PDGFC: variants seen among roughly 807,000 people sequenced by gnomAD.
PDGFC encodes the protein platelet derived growth factor C.
In PDGFC, 12 loss-of-function variants were observed where a neutral mutation model predicts 35.5. That is an observed-to-expected ratio of 0.34 (90% CI 0.22 to 0.55). The LOEUF is 0.55. Ranked by LOEUF, PDGFC falls within the 20% of genes least tolerant of loss-of-function variation. The probability of loss-of-function intolerance (pLI) is 0.91; values close to 1 mark genes in which losing one functional copy is unlikely to be tolerated. For missense variants in PDGFC, 322 were observed against 412.4 expected (o/e 0.78, Z 1.90); for synonymous variants, 159 against 148.8 (o/e 1.07, Z -0.50).
chr4:156,852,353 TGAC>T (rs1447915772), intron 1 of PDGFC, among the ~76,000 whole-genome samples: 1 of 152,194 alleles, frequency 6.6e-6, no homozygotes, highest in Non-Finnish European at 1.5e-5. Flanking sequence ...TCCTATGAAA[TGAC>T]GACATTTCAG....
intron 1 of PDGFC, among the ~76,000 whole-genome samples, chr4:156,895,690 T>C (rs1730617889): frequency 6.6e-6 from 1 of 151,998 alleles, no homozygotes; most frequent in Non-Finnish European, 1.5e-5. Flanking sequence ...ATTCTACCTT[T>C]AGTCCTCAAA....
At chr4:156,825,092 C>A (rs1011517132) in intron 2 of PDGFC, among the ~76,000 whole-genome samples, 1 of 152,150 alleles carries the variant, frequency 6.6e-6, no homozygotes, top group Non-Finnish European at 1.5e-5. Flanking sequence ...ATTTTTACCT[C>A]ATGGATTATC....
intron 2 of PDGFC, among the ~76,000 whole-genome samples, chr4:156,818,273 T>G (rs1453030510): frequency 1.3e-5 from 2 of 152,042 alleles, no homozygotes; most frequent in East Asian, 3.9e-4. Context: ...ATTGAAAATT[T>G]ATGGCAACCC....
chr4:156,805,294 T>A (rs933928272), intron 3 of PDGFC, among the ~76,000 whole-genome samples: 1 of 152,014 alleles, frequency 6.6e-6, no homozygotes, highest in Non-Finnish European at 1.5e-5. Context: ...CAACAAGTGC[T>A]TCAGACTACA....
intron 1 of PDGFC, among the ~76,000 whole-genome samples, chr4:156,862,680 T>C (rs1309743538): frequency 6.6e-6 from 1 of 151,974 alleles, no homozygotes; most frequent in East Asian, 1.9e-4. Context: ...TATAGTCACC[T>C]TAATCACTTT....
intron 1 of PDGFC, among the ~76,000 whole-genome samples, chr4:156,864,822 C>T (rs1729797337): frequency 6.6e-6 from 1 of 152,064 alleles, no homozygotes; most frequent in South Asian, 2.1e-4. Flanking sequence ...TTTATAATTG[C>T]TCCAATTATA....
At chr4:156,819,749 A>T (rs1158381321) in intron 2 of PDGFC, among the ~76,000 whole-genome samples, 1 of 152,184 alleles carries the variant, frequency 6.6e-6, no homozygotes, top group Admixed American at 6.5e-5. Context: ...CTGAGTTTTA[A>T]GTCTTATTAT....
At position 156,785,879 on chromosome 4, in the gene PDGFC, G is replaced by T. The variant is rs1307039795; in HGVS notation, c.496-12986C>A. On this transcript the variant is annotated intron_variant, in intron 3 of 5. Coordinates refer to ENST00000502773, the MANE Select transcript of PDGFC (RefSeq NM_016205.3). Reference sequence around the variant, plus strand: ...TCAATATCTTCCCACAAAGTTCAAGGTCAATTGAAAAAATATCTTCCTACA... The same window carrying T: ...TCAATATCTTCCCACAAAGTTCAAGTTCAATTGAAAAAATATCTTCCTACA... Among the ~76,000 whole-genome samples the T allele has an allele frequency of 2.0e-5, 3 of 152,030 alleles. No homozygotes were observed. The East Asian group carries it at 5.8e-4, about 29-fold the overall frequency.
chr4:156,909,949 T>C (rs1731001453), intron 1 of PDGFC, among the ~76,000 whole-genome samples: 1 of 152,040 alleles, frequency 6.6e-6, no homozygotes, highest in Non-Finnish European at 1.5e-5. Flanking sequence ...GGGAAAATCA[T>C]GAGAAAATAA....
At chr4:156,778,441 C>A (rs556232180) in intron 3 of PDGFC, 1 of 161,536 alleles carries the variant, frequency 6.2e-6, no homozygotes, top group African/African-American at 2.4e-5. Context: ...GCCATAGGAA[C>A]AAGCTCAAGA....
intron 1 of PDGFC, among the ~76,000 whole-genome samples, chr4:156,905,352 A>T (rs1350515195): frequency 2.0e-5 from 3 of 152,134 alleles, no homozygotes; most frequent in Admixed American, 6.5e-5. Flanking sequence ...TCTCAAAAAA[A>T]GCCTCATAGT....
At chr4:156,882,823 G>A (rs1560855697) in intron 1 of PDGFC, among the ~76,000 whole-genome samples, 1 of 152,120 alleles carries the variant, frequency 6.6e-6, no homozygotes, top group Non-Finnish European at 1.5e-5. Flanking sequence ...GGTGGCTCAC[G>A]CCTGTAATCC....
In PDGFC at chr4:156,767,765, A is replaced by T. The variant is rs373550042; in HGVS notation, c.921+8T>A. The T allele has an allele frequency of 6.4e-7, 1 of 1,572,428 alleles. No individual in the cohort carries two copies. Among genetic ancestry groups the T allele is most frequent in the Non-Finnish European group, 8.8e-7 (1 of 1,142,238 alleles). ...CGAAGGAAACCAAAAAGAAAATTGTATACCTACCTCGTGGTATTTTTTAGT... is the reference window on the plus strand; with the variant it reads ...CGAAGGAAACCAAAAAGAAAATTGTTTACCTACCTCGTGGTATTTTTTAGT... On this transcript the variant is annotated splice_region_variant and intron_variant, in intron 5 of 5. Coordinates refer to ENST00000502773, the MANE Select transcript of PDGFC (RefSeq NM_016205.3).
At chr4:156,814,127 TA>T (rs11323795) in intron 2 of PDGFC, among the ~76,000 whole-genome samples, 69,309 of 151,270 alleles carry the variant, frequency 0.46, 18,582 homozygotes, top group African/African-American at 0.75. Flanking sequence ...TTCTATGATT[TA>T]AAAAAAAAAT....
intron 1 of PDGFC, among the ~76,000 whole-genome samples, chr4:156,948,383 C>CT (rs1481723209): frequency 6.6e-6 from 1 of 151,922 alleles, no homozygotes; most frequent in East Asian, 1.9e-4. Flanking sequence ...GCACCGACTG[C>CT]TGCGGCCGCT....
intron 2 of PDGFC, among the ~76,000 whole-genome samples, chr4:156,821,195 A>ATG (rs3067736): frequency 4.0e-4 from 50 of 126,228 alleles, no homozygotes; most frequent in Admixed American, 6.0e-4. Flanking sequence ...GTGTGTGTGT[A>ATG]TGTGTGTGTG....
intron 1 of PDGFC, among the ~76,000 whole-genome samples, chr4:156,892,758 A>G (rs1375495357): frequency 6.6e-6 from 1 of 152,238 alleles, no homozygotes; most frequent in East Asian, 1.9e-4. Flanking sequence ...CTGATGACAT[A>G]AATTGAACTG....
chr4:156,907,856 C>G (rs1730953098), intron 1 of PDGFC, among the ~76,000 whole-genome samples: 1 of 152,100 alleles, frequency 6.6e-6, no homozygotes, highest in Non-Finnish European at 1.5e-5. Context: ...TTCCTACTGT[C>G]TCCTCCAGTG....
At chr4:156,849,523 C>T (rs572942004) in intron 2 of PDGFC, among the ~76,000 whole-genome samples, 2 of 152,090 alleles carry the variant, frequency 1.3e-5, no homozygotes, top group Admixed American at 1.3e-4. Flanking sequence ...TTCAGTAAGA[C>T]CACCCAACCT....
Sources: allele counts gnomAD v4.1 joint callset (sites outside exome capture counted in the v4.1 genomes callset), GRCh38; gene constraint gnomAD v4.1.1; transcripts MANE v1.5; gene names NCBI Gene and HGNC (gene_info 2026-07-23, HGNC 2026-07-21).